The following CFAP99 variants were observed in gnomAD, a reference collection of about 807,000 sequenced individuals.
The protein encoded by CFAP99 is cilia and flagella associated protein 99, also known as cilia- and flagella-associated protein 99.
A neutral mutation model predicts 82.7 loss-of-function variants in CFAP99; 84 were observed. The observed-to-expected ratio is 1.02, with a 90% confidence interval of 0.85 to 1.22. The LOEUF is 1.22. Ranked by LOEUF, CFAP99 falls within the 50% of genes most tolerant of loss-of-function variation. The pLI is 0.00. For synonymous variants in CFAP99, 456 were observed against 429.5 expected, an observed-to-expected ratio of 1.06 and a Z score of -0.76; for missense variants, 1,059 against 983.5, an observed-to-expected ratio of 1.08 and a Z score of -1.03.
chr4:2,450,850 C>A, intron 8 of CFAP99, 97 bp from the exon 9 acceptor site: 1 of 1,038,558 alleles, frequency 9.6e-7, no homozygotes, highest in Non-Finnish European at 1.4e-6. Context: ...TGAGCCAGGC[C>A]TCCCCAGGGT....
chr4:2,431,395 C>T (rs1403975498), intron 2 of CFAP99, among the ~76,000 whole-genome samples: 3 of 151,888 alleles, frequency 2.0e-5, no homozygotes, highest in Non-Finnish European at 4.4e-5. Flanking sequence ...AAATTCTAAC[C>T]CCTGGTTACT....
intron 11 of CFAP99, among the ~76,000 whole-genome samples, chr4:2,454,581 C>CTTTTTTTTTTTTTTTTTTTTTTTTTTT (rs200727697): frequency 2.4e-4 from 23 of 94,718 alleles, no homozygotes; most frequent in Non-Finnish European, 3.2e-4. Context: ...TGTTTTTTTT[C>CTTTTTTTTTTTTTTTTTTTTTTTTTTT]TTTTTTTTTT....
At chr4:2,443,974 GGACA>G (rs1193767331) in intron 5 of CFAP99, among the ~76,000 whole-genome samples, 1 of 152,092 alleles carries the variant, frequency 6.6e-6, no homozygotes, top group Admixed American at 6.5e-5. Flanking sequence ...TTCTTCCTAA[GGACA>G]GACAGACAGG....
At chr4:2,450,113 C>A in intron 8 of CFAP99, 108 bp downstream of exon 8, 1 of 1,152,790 alleles carries the variant, frequency 8.7e-7, no homozygotes, top group Non-Finnish European at 1.2e-6. Flanking sequence ...CCTTTTCCCA[C>A]TGAGGGCCGG....
At position 2,448,052 on chromosome 4, in the gene CFAP99, G is replaced by A. The variant is rs1391627512; in HGVS notation, c.643-1618G>A. Among the ~76,000 whole-genome samples, 1 of 144,808 alleles carries A rather than the reference G, an allele frequency of 6.9e-6. No homozygotes were observed. Among genetic ancestry groups the A allele is most frequent in the African/African-American group, 2.6e-5 (1 of 38,952 alleles). The allele number at this position is 144,808 out of a possible 152,430, so 95.0% of individuals were successfully genotyped here. ...GGATGGATGGATGGATGATCAGAGG[G>A]ATGGATAGATGGATAGACAAATGGA... is the stretch of plus-strand genomic sequence containing the variant. On this transcript the variant is annotated intron_variant, in intron 6 of 14. Coordinates refer to ENST00000635017, the Ensembl canonical transcript of CFAP99. The surrounding 1 kb of genome is among the most constrained non-coding windows in gnomAD (Gnocchi z 5.2).
At chr4:2,444,193 C>T (rs1235212005) in intron 5 of CFAP99, among the ~76,000 whole-genome samples, 2 of 152,160 alleles carry the variant, frequency 1.3e-5, no homozygotes, top group African/African-American at 4.8e-5. Context: ...TGCTGGTGCC[C>T]CTACCTTGTG....
intron 2 of CFAP99, among the ~76,000 whole-genome samples, chr4:2,431,097 G>T (rs1022787319): frequency 2.4e-4 from 36 of 151,814 alleles, no homozygotes; most frequent in African/African-American, 8.7e-4. Context: ...GGCCGGGCGC[G>T]GTGGCTCATG....
chr4:2,450,236 G>A (rs952573054), intron 8 of CFAP99: 24 of 572,376 alleles, frequency 4.2e-5, no homozygotes, highest in South Asian at 2.3e-4. Context: ...GGAAGCTCAC[G>A]GGAAAGCACC....
rs569439772 is a variant in CFAP99, at chr4:2,443,077, G to A, written c.352-53G>A. 41 of 1,049,110 alleles carry A rather than the reference G, an allele frequency of 3.9e-5. No homozygotes were observed. The African/African-American group carries it at 5.6e-4, about 14-fold the overall frequency. The allele number at this position is 1,049,110 out of a possible 1,614,324, so 65.0% of individuals were successfully genotyped here. The stretch of plus-strand genomic sequence containing the variant: ...CTGGGGGTGCTGGGGACTTTGCCCG[G>A]TGAGGGGTTGGGCCCAGGGCTCCGG... On this transcript the variant is annotated intron_variant, in intron 4 of 14. Transcript: ENST00000635017.
chr4:2,426,445 C>T lies in CFAP99; in HGVS notation c.-17-14C>T, dbSNP rs1398055151. 1.6e-5 allele frequency: 24 copies of T among 1,490,784 alleles called. No homozygotes were observed. In the Admixed American group the frequency reaches 2.4e-4, roughly 15 times the overall value. The allele number at this position is 1,490,784 out of a possible 1,614,324, so 92.3% of individuals were successfully genotyped here. ...CCAGGTGTGGAGGGCGTGACCTGCA[C>T]GGTTTGTTCTTAGGCTTCTGCCCTA... On this transcript the variant is annotated splice_polypyrimidine_tract_variant and intron_variant, in intron 1 of 14. Coordinates refer to ENST00000635017, the Ensembl canonical transcript of CFAP99.
At chr4:2,433,198 T>C (rs1443175109) in intron 2 of CFAP99, among the ~76,000 whole-genome samples, 2 of 152,318 alleles carry the variant, frequency 1.3e-5, no homozygotes, top group Middle Eastern at 3.4e-3. Context: ...GCTGATGGCA[T>C]AGGGCTCAAG....
chr4:2,451,151 T>C, intron 9 of CFAP99, 113 bp from the exon 10 acceptor site: 6 of 1,452,002 alleles, frequency 4.1e-6, no homozygotes, highest in Non-Finnish European at 4.7e-6. Context: ...CCCTGGGGGA[T>C]AGGGAAGCAC....
In CFAP99 at chr4:2,451,436, G is replaced by A. The variant is rs951501751; in HGVS notation, c.956+84G>A. On this transcript the variant is annotated intron_variant, in intron 10 of 14. Transcript: ENST00000635017. The stretch of plus-strand genomic sequence containing the variant: ...CTCAGAGGAGGGGCCTGGGGGCTGG[G>A]CAGCTCAGTGGAGAGGGACTCGGGG... 1.6e-4 allele frequency: 215 copies of A among 1,343,724 alleles called. No homozygotes were observed. The East Asian group carries it at 5.4e-3, about 34-fold the overall frequency. The allele number at this position is 1,343,724 out of a possible 1,614,324, so 83.2% of individuals were successfully genotyped here. A position where few individuals can be genotyped will look rare whatever the true frequency, so the allele number is the denominator to read the frequency against.
At chr4:2,447,916 AAT>A (rs1560385923) in intron 6 of CFAP99, among the ~76,000 whole-genome samples, 1 of 86,402 alleles carries the variant, frequency 1.2e-5, no homozygotes, top group Non-Finnish European at 2.3e-5. Context: ...TGAGTGGGTG[AAT>A]GAATGGATGG....
intron 2 of CFAP99, among the ~76,000 whole-genome samples, chr4:2,432,666 C>A (rs1733822276): frequency 6.6e-6 from 1 of 152,338 alleles, no homozygotes; most frequent in African/African-American, 2.4e-5. Flanking sequence ...TGAGAAACCC[C>A]TGCAGCAGTC....
chr4:2,429,049 C>G (rs542033667), intron 2 of CFAP99: 3 of 152,520 alleles, frequency 2.0e-5, no homozygotes, highest in Middle Eastern at 3.4e-3. Context: ...ATCTGTTCAT[C>G]ATCAGCTCTG....
intron 2 of CFAP99, 34 bp from the exon 3 acceptor site, chr4:2,436,840 A>C (rs1459021936): frequency 6.6e-7 from 1 of 1,507,226 alleles, no homozygotes; most frequent in Non-Finnish European, 8.8e-7. Context: ...CTCCCGGCCC[A>C]GCCAGGGCCC....
At chr4:2,426,660 C>A in intron 2 of CFAP99, 74 bp downstream of exon 2, 2 of 936,208 alleles carry the variant, frequency 2.1e-6, no homozygotes, top group Non-Finnish European at 3.3e-6. Flanking sequence ...TTAACAGCAT[C>A]AAATGCCTTC....
At chr4:2,441,340 T>A (rs1458228262) in intron 4 of CFAP99, among the ~76,000 whole-genome samples, 1 of 140,936 alleles carries the variant, frequency 7.1e-6, no homozygotes, top group Non-Finnish European at 1.5e-5. Context: ...GCCATTGCAC[T>A]CCAGCCTGGG....
Sources: allele counts gnomAD v4.1 joint callset (sites outside exome capture counted in the v4.1 genomes callset), GRCh38; gene constraint gnomAD v4.1.1; non-coding constraint Gnocchi (gnomAD v3.1); transcripts MANE v1.5; gene names NCBI Gene and HGNC (gene_info 2026-07-23, HGNC 2026-07-21).